Variants in NRF1 observed in about 807,000 individuals in gnomAD.
The protein encoded by NRF1 is alpha palindromic-binding protein.
NRF1 carries 5 observed loss-of-function variants against 58.5 expected under a neutral mutation model. The ratio of observed to expected loss-of-function variants is 0.09; its 90% CI spans 0.04 to 0.18. The LOEUF is 0.18. Among genes scored for constraint, NRF1 ranks in the 10% least tolerant of loss-of-function variants. The pLI is 1.00. For synonymous variants in NRF1, 224 were observed against 246.7 expected (o/e 0.91, Z 0.86); for missense variants, 288 against 657.7 (o/e 0.44, Z 6.15).
At chr7:129,717,119 A>G in intron 8 of NRF1, 100 bp from the exon 9 acceptor site, 2 of 1,122,222 alleles carry the variant, frequency 1.8e-6, no homozygotes, top group Non-Finnish European at 2.5e-6. Flanking sequence ...TTTAAAGAGT[A>G]TGTGTATTTA....
At chr7:129,714,411 G>T (rs1803142386) in intron 8 of NRF1, among the ~76,000 whole-genome samples, 1 of 152,134 alleles carries the variant, frequency 6.6e-6, no homozygotes, top group Admixed American at 6.6e-5. Context: ...GAAATAGAGG[G>T]GCAGATCAGA....
intron 9 of NRF1, among the ~76,000 whole-genome samples, chr7:129,720,934 G>A (rs2116229521): frequency 6.6e-6 from 1 of 152,186 alleles, no homozygotes; most frequent in East Asian, 1.9e-4. Flanking sequence ...GGGAATCAAA[G>A]TGAACAAATG....
At chr7:129,726,793 A>G (rs1803461119) in intron 9 of NRF1, among the ~76,000 whole-genome samples, 2 of 152,238 alleles carry the variant, frequency 1.3e-5, no homozygotes, top group Admixed American at 6.5e-5. Context: ...ATCCTTGGCT[A>G]TAAAAGGACA....
chr7:129,741,301 C>T lies in NRF1; in HGVS notation c.1349-13717C>T, dbSNP rs998395838. 2.0e-5 allele frequency among the ~76,000 whole-genome samples: 3 copies of T among 152,200 alleles called. No homozygotes were observed. The highest frequency in any genetic ancestry group is 4.8e-5 in the African/African-American group (2 of 41,446). ...ACACCACTGACTGTGGTCTCCTCTC[C>T]ATCCACGGTGTCCTCAAGGCCAAGT... On this transcript the variant is annotated intron_variant, in intron 10 of 10. Coordinates refer to ENST00000393232, the MANE Select transcript of NRF1 (RefSeq NM_005011.5). The surrounding 1 kb of genome is among the most constrained non-coding windows in gnomAD (Gnocchi z 4.0).
rs910839028 is a variant in NRF1 at position 129,737,124 on chromosome 7, A to T, written c.1348+9759A>T. 3.1e-4 allele frequency among the ~76,000 whole-genome samples: 47 copies of T among 152,358 alleles called. 1 individual carries two copies. Among genetic ancestry groups the T allele is most frequent in the Admixed American group, 2.9e-3 (44 of 15,306 alleles). On this transcript the variant is annotated intron_variant, in intron 10 of 10. Coordinates refer to ENST00000393232, the MANE Select transcript of NRF1 (RefSeq NM_005011.5). Reference sequence around the variant, plus strand: ...ATTCCTCACATATGTTGGAGTGCACAGTACTATGTAGACGCTGCTTTCCTG... The same window carrying T: ...ATTCCTCACATATGTTGGAGTGCACTGTACTATGTAGACGCTGCTTTCCTG...
chr7:129,725,625 CCTTAT>C (rs1242680615), intron 9 of NRF1, among the ~76,000 whole-genome samples: 2 of 152,060 alleles, frequency 1.3e-5, no homozygotes, highest in African/African-American at 2.4e-5. Flanking sequence ...CCATGCCTGG[CCTTAT>C]CTTATCTTTT....
intron 10 of NRF1, among the ~76,000 whole-genome samples, chr7:129,733,359 C>T (rs562607085): frequency 4.6e-5 from 7 of 151,218 alleles, no homozygotes; most frequent in Admixed American, 2.6e-4. Flanking sequence ...CCCAGCTACT[C>T]GGGAGGCTGA....
chr7:129,709,062 T>G lies in NRF1; in HGVS notation c.607-13T>G, dbSNP rs889208775. ...CTTTCATGAGTATTGATGACCACAC[T>G]GTTCTCTTCCAGGCCCAGCTTCGGG... On this transcript the variant is annotated splice_polypyrimidine_tract_variant and intron_variant, in intron 5 of 10. Coordinates refer to ENST00000393232, the MANE Select transcript of NRF1 (RefSeq NM_005011.5). 6.7e-7 allele frequency: 1 copy of G among 1,494,472 alleles called. No individual in the cohort carries two copies. Among genetic ancestry groups the G allele is most frequent in the African/African-American group, 1.4e-5 (1 of 71,038 alleles). The allele number at this position is 1,494,472 out of a possible 1,614,324, so 92.6% of individuals were successfully genotyped here. A position where few individuals can be genotyped will look rare whatever the true frequency, so the allele number is the denominator to read the frequency against.
intron 2 of NRF1, among the ~76,000 whole-genome samples, chr7:129,670,247 A>G (rs1486167342): frequency 7.9e-5 from 12 of 152,236 alleles, no homozygotes; most frequent in Non-Finnish European, 1.6e-4. Context: ...ATAGCCGTAC[A>G]ACATTGGGCT....
intron 1 of NRF1, among the ~76,000 whole-genome samples, chr7:129,656,120 GT>G (rs11329613): frequency 0.16 from 23,200 of 146,508 alleles, 1,914 homozygotes; most frequent in African/African-American, 0.23. Context: ...TTCTATTTTT[GT>G]TTTTTTTTTG....
intron 8 of NRF1, among the ~76,000 whole-genome samples, chr7:129,714,552 T>C (rs1803145568): frequency 6.6e-6 from 1 of 152,132 alleles, no homozygotes; most frequent in African/African-American, 2.4e-5. Context: ...TTGGTAGTGA[T>C]GTTCATTGGA....
In NRF1 at chr7:129,709,252, G is replaced by A; in HGVS notation, c.765+19G>A. The A allele has an allele frequency of 7.0e-7, 1 of 1,424,820 alleles. No individual in the cohort carries two copies. Among genetic ancestry groups the A allele is most frequent in the African/African-American group, 1.5e-5 (1 of 68,650 alleles). The allele number at this position is 1,424,820 out of a possible 1,614,324, so 88.3% of individuals were successfully genotyped here. ...GCAGAGGGTGAGAGTTCCTCTGACT[G>A]AGTTGCCTGGTTGCTTTTCCATCCT... On this transcript the variant is annotated intron_variant, in intron 6 of 10. Transcript: ENST00000393232.
chr7:129,706,543 G>A (rs1802954102), intron 5 of NRF1, among the ~76,000 whole-genome samples: 1 of 152,238 alleles, frequency 6.6e-6, no homozygotes, highest in African/African-American at 2.4e-5. Flanking sequence ...TTTTTAGTTT[G>A]AGTGGCCGGG....
At chr7:129,661,140 G>A (rs1801771164) in intron 2 of NRF1, among the ~76,000 whole-genome samples, 1 of 151,340 alleles carries the variant, frequency 6.6e-6, no homozygotes, top group African/African-American at 2.5e-5. Context: ...AGCTGGAGCA[G>A]CTGGGATACA....
chr7:129,740,301 C>T (rs1803817460), intron 10 of NRF1, among the ~76,000 whole-genome samples: 1 of 152,202 alleles, frequency 6.6e-6, no homozygotes, highest in Non-Finnish European at 1.5e-5. Flanking sequence ...ACCACTGCTA[C>T]AACTGCTGTT....
intron 1 of NRF1, among the ~76,000 whole-genome samples, chr7:129,616,095 C>T (rs1800654248): frequency 6.6e-6 from 1 of 152,078 alleles, no homozygotes; most frequent in African/African-American, 2.4e-5. Flanking sequence ...CAAAAGTGCA[C>T]TTCAGAATTG....
In NRF1 at chr7:129,717,171, G is replaced by A. The variant is rs200050482; in HGVS notation, c.1066-48G>A. 8.6e-5 allele frequency: 133 copies of A among 1,538,214 alleles called. No individual in the cohort carries two copies. In the African/African-American group the frequency reaches 1.6e-3, roughly 18 times the overall value. Reference sequence around the variant, plus strand: ...TATTAGAAAAATTACTTGTAAAATTGTACTTTTGTGGCTTTGTTTTTTTAC... The same window carrying A: ...TATTAGAAAAATTACTTGTAAAATTATACTTTTGTGGCTTTGTTTTTTTAC... On this transcript the variant is annotated intron_variant, in intron 8 of 10. Coordinates refer to ENST00000393232, the MANE Select transcript of NRF1 (RefSeq NM_005011.5).
chr7:129,654,130 C>T (rs147919521), intron 1 of NRF1, among the ~76,000 whole-genome samples: 10 of 152,306 alleles, frequency 6.6e-5, no homozygotes, highest in African/African-American at 2.2e-4. Context: ...TCCTCAACAG[C>T]GTTTGGTGTT....
At chr7:129,719,987 T>A (rs569309054) in intron 9 of NRF1, among the ~76,000 whole-genome samples, 1 of 152,282 alleles carries the variant, frequency 6.6e-6, no homozygotes, top group African/African-American at 2.4e-5. Context: ...CTCTCTTTGT[T>A]ATAAGGACCA....
Sources: allele counts gnomAD v4.1 joint callset (sites outside exome capture counted in the v4.1 genomes callset), GRCh38; gene constraint gnomAD v4.1.1; non-coding constraint Gnocchi (gnomAD v3.1); transcripts MANE v1.5; gene names NCBI Gene and HGNC (gene_info 2026-07-23, HGNC 2026-07-21).